Variants in TEF observed in about 807,000 individuals in gnomAD.
TEF encodes thyrotroph embryonic factor.
A neutral mutation model predicts 20.8 loss-of-function variants in TEF; 3 were observed. The observed-to-expected ratio is 0.14, with a 90% CI of 0.07 to 0.37. The LOEUF is 0.37. Among genes scored for constraint, TEF ranks in the 10% least tolerant of loss-of-function variants. The probability of loss-of-function intolerance (pLI) is 1.00; values close to 1 mark genes in which losing one functional copy is unlikely to be tolerated. For missense variants in TEF, 296 were observed against 397.9 expected (o/e 0.74, Z 2.18); for synonymous variants, 180 against 171.1 (o/e 1.05, Z -0.41).
chr22:41,385,126 G>A (rs2037081994), intron 1 of TEF, among the ~76,000 whole-genome samples: 1 of 152,144 alleles, frequency 6.6e-6, no homozygotes, highest in Non-Finnish European at 1.5e-5. Context: ...CACTTTGGGA[G>A]GCCAAGGTGG....
At chr22:41,381,456 G>A (rs984683843), upstream of TEF, among the ~76,000 whole-genome samples, 2 of 152,172 alleles carry the variant, frequency 1.3e-5, no homozygotes, top group East Asian at 1.9e-4. Flanking sequence ...CCCGCGGGGG[G>A]TGGACACGCC....
chr22:41,395,287 T>C (rs763783903), intron 3 of TEF, among the ~76,000 whole-genome samples: 5 of 152,158 alleles, frequency 3.3e-5, no homozygotes, highest in Non-Finnish European at 7.4e-5. Context: ...ATTACAGGTG[T>C]GAGCCACCAT....
upstream of TEF, among the ~76,000 whole-genome samples, chr22:41,378,187 G>C (rs960777481): frequency 5.3e-5 from 2 of 38,040 alleles, no homozygotes; most frequent in African/African-American, 2.8e-4. Context: ...TTTTTTTTTT[G>C]AGACAGAGTC....
At chr22:41,386,440 C>CAA (rs202199285) in intron 1 of TEF, among the ~76,000 whole-genome samples, 82 of 140,532 alleles carry the variant, frequency 5.8e-4, no homozygotes, top group African/African-American at 2.1e-3. Flanking sequence ...AGCTCCATCT[C>CAA]AAAAAAAAAA....
At chr22:41,386,440 CA>C (rs202199285) in intron 1 of TEF, among the ~76,000 whole-genome samples, 33 of 140,438 alleles carry the variant, frequency 2.3e-4, no homozygotes, top group Non-Finnish European at 2.9e-4. Context: ...AGCTCCATCT[CA>C]AAAAAAAAAA....
intron 1 of TEF, 75 bp downstream of exon 1, chr22:41,382,276 CG>C (rs2037040461): frequency 2.0e-5 from 12 of 605,932 alleles, no homozygotes; most frequent in South Asian, 1.5e-4. Context: ...AGGGCGGGGC[CG>C]GGGAGGCAGT....
rs1358712210 is a variant in TEF at position 41,382,099 on chromosome 22, G to C, written c.55G>C (p.Gly19Arg). The change falls in exon 1 of 4, where the codon GGT becomes CGT. Residue 19 changes from glycine to arginine, a missense_variant. Gly to Arg is a moderately radical substitution (Grantham distance 125). Transcript: ENST00000266304. ...GCCTGTGGACCCGCAGGCAGGACCC[G>C]GTCCGGGGCCGGGGCGCGCAGCTGG... is the stretch of plus-strand genomic sequence containing the variant. Reference protein sequence around the residue: ...KPPVDPQAGPGPGPGRAAGER... With the variant: ...KPPVDPQAGPRPGPGRAAGER... The C allele has an allele frequency of 1.6e-6, 2 of 1,232,536 alleles. No homozygotes were observed. The highest frequency in any genetic ancestry group is 4.1e-5 in the South Asian group (1 of 24,396). The allele number at this position is 1,232,536 out of a possible 1,614,324, so 76.3% of individuals were successfully genotyped here.
intron 3 of TEF, among the ~76,000 whole-genome samples, chr22:41,394,693 A>G (rs1285709667): frequency 6.6e-6 from 1 of 152,248 alleles, no homozygotes; most frequent in Non-Finnish European, 1.5e-5. Context: ...AGGGATGAGC[A>G]AGCAGCTTTC....
Position 41,396,981 on chromosome 22 carries a change from CT to C in TEF, c.*1027del. 2.5e-6 allele frequency: 1 copy of C among 398,748 alleles called. No individual in the cohort carries two copies. The highest frequency in any genetic ancestry group is 4.4e-6 in the Non-Finnish European group (1 of 226,200). The allele number at this position is 398,748 out of a possible 1,614,324, so 24.7% of individuals were successfully genotyped here. A position where few individuals can be genotyped will look rare whatever the true frequency, so the allele number is the denominator to read the frequency against. Reference sequence around the variant, plus strand: ...TGGGGTGTGTTTCTTGAGAAGCTCCCTTTTTTCTTGCTCTGCTCACCGGTGT... The same window carrying C: ...TGGGGTGTGTTTCTTGAGAAGCTCCCTTTTTCTTGCTCTGCTCACCGGTGT... On this transcript the variant is annotated 3_prime_UTR_variant, in exon 4 of 4. Transcript: ENST00000266304.
intron 1 of TEF, among the ~76,000 whole-genome samples, chr22:41,375,127 C>T (rs557832748): frequency 6.6e-6 from 1 of 152,296 alleles, no homozygotes; most frequent in East Asian, 1.9e-4. Context: ...GAGGGCTTCT[C>T]TCTGGAAAGG....
At chr22:41,368,152 G>A (rs995797409) in intron 1 of TEF, among the ~76,000 whole-genome samples, 3 of 152,180 alleles carry the variant, frequency 2.0e-5, no homozygotes, top group African/African-American at 7.2e-5. Context: ...CGAGGGAGGA[G>A]AGAGGAGGGC....
chr22:41,394,585 G>T (rs1443598038), intron 3 of TEF, among the ~76,000 whole-genome samples: 1 of 152,234 alleles, frequency 6.6e-6, no homozygotes, highest in East Asian at 1.9e-4. Context: ...CCTGGCTGTA[G>T]CCCAGCCACT....
At chr22:41,395,345 G>C (rs2145993219) in intron 3 of TEF, among the ~76,000 whole-genome samples, 1 of 152,250 alleles carries the variant, frequency 6.6e-6, no homozygotes, top group African/African-American at 2.4e-5. Flanking sequence ...CTGTGATATT[G>C]AGGGGTTAAA....
intron 1 of TEF, among the ~76,000 whole-genome samples, chr22:41,376,098 T>C (rs1445000535): frequency 1.3e-5 from 2 of 152,202 alleles, no homozygotes; most frequent in Non-Finnish European, 2.9e-5. Flanking sequence ...ATAGGGTATC[T>C]GGCCAAAGGC....
intron 2 of TEF, among the ~76,000 whole-genome samples, chr22:41,391,460 G>C (rs2037164867): frequency 6.6e-6 from 1 of 151,596 alleles, no homozygotes; most frequent in Non-Finnish European, 1.5e-5. Context: ...TGAGTAGCTG[G>C]GATAACAGGC....
chr22:41,396,810 C>T lies in TEF; in HGVS notation c.*850C>T, dbSNP rs907931987. On this transcript the variant is annotated 3_prime_UTR_variant, in exon 4 of 4. Coordinates refer to ENST00000266304, the MANE Select transcript of TEF (RefSeq NM_003216.4). ...GGCCTCTGGGCCTGCTCTTTCTTTC[C>T]ACCCAATGTCCAGTCTTGGATCATA... is the stretch of plus-strand genomic sequence containing the variant. 7.6e-6 allele frequency: 3 copies of T among 397,102 alleles called. No homozygotes were observed. Among genetic ancestry groups the T allele is most frequent in the Non-Finnish European group, 1.3e-5 (3 of 225,650 alleles). 24.6% of individuals were successfully genotyped at this position (397,102 alleles called of 1,614,324 possible).
intron 2 of TEF, among the ~76,000 whole-genome samples, chr22:41,392,289 AT>A (rs1284794333): frequency 6.6e-6 from 1 of 152,170 alleles, no homozygotes; most frequent in Non-Finnish European, 1.5e-5. Context: ...TAAGTTTCAA[AT>A]TTTAGTTCAA....
At chr22:41,368,508 C>G (rs561902076) in intron 1 of TEF, among the ~76,000 whole-genome samples, 1 of 152,166 alleles carries the variant, frequency 6.6e-6, no homozygotes, top group African/African-American at 2.4e-5. Flanking sequence ...TTCCACAGGA[C>G]GCTCTCAGCC....
At chr22:41,367,596 A>G in exon 1 of TEF, 2 of 1,551,246 alleles carry the variant, frequency 1.3e-6, no homozygotes, top group Non-Finnish European at 1.7e-6. Context: ...AGAGAAGAGA[A>G]CAGGTAGGAG....
Sources: allele counts gnomAD v4.1 joint callset (sites outside exome capture counted in the v4.1 genomes callset), GRCh38; gene constraint gnomAD v4.1.1; transcripts MANE v1.5; gene names NCBI Gene and HGNC (gene_info 2026-07-23, HGNC 2026-07-21).